SCML2: variants seen among roughly 807,000 people sequenced by gnomAD.
SCML2 encodes Scm polycomb group protein like 2.
Under a neutral mutation model 48.4 loss-of-function variants are expected in SCML2, and 6 were observed. The observed-to-expected ratio is 0.12, with a 90% CI of 0.07 to 0.24. The LOEUF (loss-of-function observed/expected upper bound fraction) is 0.24. SCML2 is among the 10% of genes least tolerant of loss of function. The probability of loss-of-function intolerance (pLI) is 1.00; values close to 1 mark genes in which losing one functional copy is unlikely to be tolerated. For synonymous variants in SCML2, 181 were observed against 189.5 expected (o/e 0.95, Z 0.37); for missense variants, 377 against 528.2 (o/e 0.71, Z 2.81).
chrX:18,331,327 C>A (rs1253722667), intron 2 of SCML2, among the ~76,000 whole-genome samples: 2 of 77,917 alleles, frequency 2.6e-5, no homozygotes, highest in African/African-American at 9.9e-5. Context: ...CTGATCTTTA[C>A]AATGTTTAAA....
chrX:18,353,147 A>C (rs1262627373), intron 1 of SCML2, among the ~76,000 whole-genome samples: 8 of 110,765 alleles, frequency 7.2e-5, no homozygotes, highest in Non-Finnish European at 1.3e-4. Flanking sequence ...AAAAAAAAAA[A>C]AAACACACAA....
chrX:18,260,328 A>G, intron 8 of SCML2, 37 bp from the exon 9 acceptor site: 2 of 1,004,898 alleles, frequency 2.0e-6, no homozygotes, highest in Non-Finnish European at 2.7e-6. Flanking sequence ...CAAGTATACA[A>G]TACTCATTAA....
rs776440638 is a variant in SCML2, at chrX:18,351,188, T to C, written c.-25+3404A>G. On this transcript the variant is annotated intron_variant, in intron 1 of 14. Transcript: ENST00000251900. ...AGGAGGCTGAGGTGGGAAAATTGCT[T>C]GAACGCAGGAAGCAGAAGCTGCAGT... 1.6e-4 allele frequency among the ~76,000 whole-genome samples: 17 copies of C among 109,184 alleles called. No homozygotes were observed. In the East Asian group the frequency reaches 3.8e-3, roughly 24 times the overall value. The allele number at this position is 109,184 out of a possible 115,157, so 94.8% of individuals were successfully genotyped here. A position where few individuals can be genotyped will look rare whatever the true frequency, so the allele number is the denominator to read the frequency against.
At chrX:18,282,636 TCAAA>T (rs1046388861) in intron 7 of SCML2, among the ~76,000 whole-genome samples, 11 of 110,928 alleles carry the variant, frequency 9.9e-5, no homozygotes, top group Non-Finnish European at 1.9e-4. Context: ...AGACCCTATC[TCAAA>T]CAAACAAACT....
intron 7 of SCML2, among the ~76,000 whole-genome samples, chrX:18,282,363 C>T (rs1210226959): frequency 3.6e-5 from 4 of 110,932 alleles, no homozygotes; most frequent in Admixed American, 1.9e-4. Context: ...CAAGGCCGGG[C>T]GCGGTGGCTC....
chrX:18,328,195 T>C (rs1929545817), intron 3 of SCML2, among the ~76,000 whole-genome samples: 1 of 111,706 alleles, frequency 9.0e-6, no homozygotes, highest in African/African-American at 3.3e-5. Context: ...TGGTCTTCTC[T>C]AGAGTAAATC....
At chrX:18,261,067 TA>T (rs1927045758) in intron 8 of SCML2, among the ~76,000 whole-genome samples, 1 of 109,573 alleles carries the variant, frequency 9.1e-6, no homozygotes, top group Non-Finnish European at 1.9e-5. Context: ...TTTATTTGCT[TA>T]AATTAATGGC....
At chrX:18,323,252 A>G (rs1454127901) in intron 5 of SCML2, among the ~76,000 whole-genome samples, 1 of 111,710 alleles carries the variant, frequency 9.0e-6, no homozygotes, top group African/African-American at 3.3e-5. Context: ...AATTAGTTAC[A>G]CCCTTTTTAC....
At chrX:18,353,584 T>A (rs1014501026) in intron 1 of SCML2, among the ~76,000 whole-genome samples, 3 of 112,895 alleles carry the variant, frequency 2.7e-5, no homozygotes, top group African/African-American at 6.4e-5. Context: ...TCTCCTAATT[T>A]ACAAACAAGA....
At chrX:18,284,599 T>C (rs1032012090) in intron 7 of SCML2, among the ~76,000 whole-genome samples, 14 of 111,920 alleles carry the variant, frequency 1.3e-4, no homozygotes, top group African/African-American at 4.5e-4. Flanking sequence ...ACACAGAACA[T>C]GAACAGACAC....
chrX:18,352,580 T>C (rs902813140), intron 1 of SCML2, among the ~76,000 whole-genome samples: 2 of 111,681 alleles, frequency 1.8e-5, no homozygotes, highest in Non-Finnish European at 3.8e-5. Context: ...CTCCCTGAAA[T>C]TTTCAGGAAT....
At chrX:18,324,188 A>G (rs1320348258) in intron 4 of SCML2, 95 bp from the exon 5 acceptor site, 5 of 543,793 alleles carry the variant, frequency 9.2e-6, no homozygotes, top group Admixed American at 3.3e-5. Context: ...AACATTTTAA[A>G]TAACAGTCAC....
intron 7 of SCML2, among the ~76,000 whole-genome samples, chrX:18,286,361 A>T (rs1258273613): frequency 8.9e-6 from 1 of 112,028 alleles, no homozygotes; most frequent in East Asian, 2.8e-4. Flanking sequence ...TGAACCTATT[A>T]AAAATAACAT....
chrX:18,316,041 G>C (rs960751731), intron 6 of SCML2, among the ~76,000 whole-genome samples: 1 of 111,261 alleles, frequency 9.0e-6, no homozygotes, highest in Non-Finnish European at 1.9e-5. Context: ...CCAAAATCAA[G>C]GAAAAGTGAG....
chrX:18,327,675 T>C (rs762797682), intron 3 of SCML2, among the ~76,000 whole-genome samples: 4 of 112,397 alleles, frequency 3.6e-5, no homozygotes, highest in Admixed American at 9.5e-5. Context: ...TATAATTTTC[T>C]ATCAAATTAC....
At chrX:18,339,095 A>T (rs1288389669) in intron 1 of SCML2, among the ~76,000 whole-genome samples, 1 of 111,101 alleles carries the variant, frequency 9.0e-6, no homozygotes. Flanking sequence ...ATGTTGTAAA[A>T]TGAAACTATG....
intron 6 of SCML2, among the ~76,000 whole-genome samples, chrX:18,317,048 A>C (rs1187109737): frequency 8.9e-6 from 1 of 111,830 alleles, no homozygotes; most frequent in African/African-American, 3.3e-5. Flanking sequence ...AGTATATATC[A>C]ACATTTAAAA....
rs1333070586 is a variant in SCML2 at position 18,347,474 on chromosome X, G to A, written c.-25+7118C>T. Among the ~76,000 whole-genome samples the A allele has an allele frequency of 1.0e-4, 11 of 107,116 alleles. No individual in the cohort carries two copies. In the South Asian group the frequency reaches 1.3e-3, roughly 12 times the overall value. 93.0% of individuals were successfully genotyped at this position (107,116 alleles called of 115,157 possible). A position where few individuals can be genotyped will look rare whatever the true frequency, so the allele number is the denominator to read the frequency against. Reference sequence around the variant, plus strand: ...AAAAAAAAAAGAACATTTTTAGGCCGGGCGCAGGGGCTCATGCCTGTAATC... The same window carrying A: ...AAAAAAAAAAGAACATTTTTAGGCCAGGCGCAGGGGCTCATGCCTGTAATC... On this transcript the variant is annotated intron_variant, in intron 1 of 14. Coordinates refer to ENST00000251900, the MANE Select transcript of SCML2 (RefSeq NM_006089.3).
intron 7 of SCML2, among the ~76,000 whole-genome samples, chrX:18,281,791 G>GA (rs2147499948): frequency 9.3e-6 from 1 of 107,180 alleles, no homozygotes; most frequent in South Asian, 4.1e-4. Context: ...AAAGCTAGCA[G>GA]AAAAAAGAAA....
Sources: allele counts gnomAD v4.1 joint callset (sites outside exome capture counted in the v4.1 genomes callset), GRCh38; gene constraint gnomAD v4.1.1; transcripts MANE v1.5; gene names NCBI Gene and HGNC (gene_info 2026-07-23, HGNC 2026-07-21).